Variants in EPB41L4A observed in about 807,000 individuals in gnomAD.
EPB41L4A encodes band 4.1-like protein 4A.
Under a neutral mutation model 108.6 loss-of-function variants are expected in EPB41L4A, and 100 were observed. That is an observed-to-expected ratio of 0.92 (90% confidence interval 0.78 to 1.09). The LOEUF is 1.09. Among genes scored for constraint, EPB41L4A ranks in the 50% least tolerant of loss-of-function variants. EPB41L4A has a pLI of 0.00. For synonymous variants in EPB41L4A, 319 were observed against 289.0 expected, an observed-to-expected ratio of 1.10 and a Z score of -1.05; for missense variants, 1,030 against 842.7, an observed-to-expected ratio of 1.22 and a Z score of -2.75.
At chr5:112,264,281 G>C (rs1016612987) in intron 6 of EPB41L4A, 2 of 152,114 alleles carry the variant, frequency 1.3e-5, no homozygotes, top group African/African-American at 2.4e-5. Context: ...ATCCTACTAG[G>C]GGAGCGTGTC....
intron 1 of EPB41L4A, among the ~76,000 whole-genome samples, chr5:112,353,637 C>T (rs1033657846): frequency 2.0e-5 from 3 of 152,062 alleles, no homozygotes; most frequent in African/African-American, 7.2e-5. Flanking sequence ...CCCAGGTTTC[C>T]AAGAGGTATA....
intron 12 of EPB41L4A, among the ~76,000 whole-genome samples, chr5:112,212,641 TGTG>T (rs1449578932): frequency 2.6e-5 from 4 of 152,156 alleles, no homozygotes; most frequent in Non-Finnish European, 5.9e-5. Flanking sequence ...TTTATTTAAA[TGTG>T]GTGGTATTCT....
At chr5:112,246,913 T>C (rs1167024256) in intron 9 of EPB41L4A, among the ~76,000 whole-genome samples, 1 of 152,154 alleles carries the variant, frequency 6.6e-6, no homozygotes, top group African/African-American at 2.4e-5. Flanking sequence ...GCTCTCAAAA[T>C]CATCTTTGGA....
downstream of EPB41L4A, among the ~76,000 whole-genome samples, chr5:112,160,250 TAC>T (rs1367130052): frequency 6.6e-6 from 1 of 152,104 alleles, no homozygotes; most frequent in Non-Finnish European, 1.5e-5. Flanking sequence ...AATTTAAAAT[TAC>T]ACTCATGGCT....
intron 12 of EPB41L4A, among the ~76,000 whole-genome samples, chr5:112,229,687 A>C (rs991087811): frequency 6.6e-6 from 1 of 152,094 alleles, no homozygotes; most frequent in African/African-American, 2.4e-5. Flanking sequence ...GAGTTACTTC[A>C]CTTAGAGTAA....
In EPB41L4A at chr5:112,168,840, G is replaced by C; in HGVS notation, c.1851-20C>G. 1 of 1,600,240 alleles carries C rather than the reference G, an allele frequency of 6.2e-7. No homozygotes were observed. The highest frequency in any genetic ancestry group is 8.6e-7 in the Non-Finnish European group (1 of 1,167,508). ...TTTGAACTGCAGAGAATGAGTTTTAGAATTAGTGACTGGAACAGTATCTAG... is the reference window on the plus strand; with the variant it reads ...TTTGAACTGCAGAGAATGAGTTTTACAATTAGTGACTGGAACAGTATCTAG... On this transcript the variant is annotated intron_variant, in intron 21 of 22. Coordinates refer to ENST00000261486, the MANE Select transcript of EPB41L4A (RefSeq NM_022140.5).
intron 3 of EPB41L4A, among the ~76,000 whole-genome samples, chr5:112,277,741 G>C (rs1282928601): frequency 6.6e-6 from 1 of 152,140 alleles, no homozygotes; most frequent in Non-Finnish European, 1.5e-5. Flanking sequence ...CACTGTTTCA[G>C]AAAGCAATCA....
chr5:112,380,041 A>C (rs1760061702), intron 1 of EPB41L4A, among the ~76,000 whole-genome samples: 1 of 152,234 alleles, frequency 6.6e-6, no homozygotes. Context: ...TTTTCTGAGC[A>C]GATTAATCAT....
intron 2 of EPB41L4A, among the ~76,000 whole-genome samples, chr5:112,297,735 AT>A (rs1386012364): frequency 6.6e-6 from 1 of 152,122 alleles, no homozygotes; most frequent in Non-Finnish European, 1.5e-5. Flanking sequence ...GGTTTTTCCA[AT>A]GTTATCTTCT....
intron 2 of EPB41L4A, among the ~76,000 whole-genome samples, chr5:112,295,723 C>A (rs956413017): frequency 6.6e-6 from 1 of 152,180 alleles, no homozygotes; most frequent in Non-Finnish European, 1.5e-5. Context: ...ATATTTCTGG[C>A]AAGGACTATG....
At position 112,413,725 on chromosome 5, in the gene EPB41L4A, T is replaced by C. The variant is rs537998582; in HGVS notation, c.99+5216A>G. On this transcript the variant is annotated intron_variant, in intron 1 of 22. Coordinates refer to ENST00000261486, the MANE Select transcript of EPB41L4A (RefSeq NM_022140.5). Reference sequence around the variant, plus strand: ...AGGATGCTTCCGATAAGTATGTGTTTATGGAGAAACAAAATGGTACACCAA... The same window carrying C: ...AGGATGCTTCCGATAAGTATGTGTTCATGGAGAAACAAAATGGTACACCAA... Among the ~76,000 whole-genome samples, 6 of 152,296 alleles carry C rather than the reference T, an allele frequency of 3.9e-5. No homozygotes were observed. The East Asian group carries it at 1.2e-3, about 29-fold the overall frequency.
chr5:112,290,373 C>T (rs932216758), intron 2 of EPB41L4A, among the ~76,000 whole-genome samples: 8 of 152,138 alleles, frequency 5.3e-5, no homozygotes, highest in African/African-American at 1.9e-4. Context: ...AGTGGAGCTG[C>T]CCTACAGTTG....
chr5:112,309,050 TCTA>T (rs1354179523), intron 1 of EPB41L4A, among the ~76,000 whole-genome samples: 1 of 152,200 alleles, frequency 6.6e-6, no homozygotes, highest in African/African-American at 2.4e-5. Context: ...CCTAAGTACT[TCTA>T]AATACTTGTA....
chr5:112,199,819 G>A (rs12518022), intron 15 of EPB41L4A, among the ~76,000 whole-genome samples: 9,068 of 152,132 alleles, frequency 0.06, 426 homozygotes, highest in Admixed American at 0.15. Flanking sequence ...CCTCTCACTG[G>A]CTACTGAAAC....
chr5:112,356,519 T>G (rs1758369289), intron 1 of EPB41L4A, among the ~76,000 whole-genome samples: 1 of 152,242 alleles, frequency 6.6e-6, no homozygotes, highest in Non-Finnish European at 1.5e-5. Flanking sequence ...GAAGATACTA[T>G]GCTAGAAAGT....
At chr5:112,356,288 G>A (rs1194369213) in intron 1 of EPB41L4A, among the ~76,000 whole-genome samples, 1 of 152,142 alleles carries the variant, frequency 6.6e-6, no homozygotes, top group Non-Finnish European at 1.5e-5. Flanking sequence ...GCATCCATGG[G>A]AGAACTGTAG....
At chr5:112,255,136 G>C (rs77612083) in intron 9 of EPB41L4A, among the ~76,000 whole-genome samples, 1 of 151,954 alleles carries the variant, frequency 6.6e-6, no homozygotes, top group East Asian at 1.9e-4. Context: ...AGTCTTTCAC[G>C]GTGGGTGTCA....
In EPB41L4A at chr5:112,259,762, C is replaced by A. The variant is rs1011955867; in HGVS notation, c.731+129G>T. 35 of 686,190 alleles carry A rather than the reference C, an allele frequency of 5.1e-5. No individual in the cohort carries two copies. In the South Asian group the frequency reaches 5.4e-4, roughly 11 times the overall value. The allele number at this position is 686,190 out of a possible 1,614,324, so 42.5% of individuals were successfully genotyped here. Reference sequence around the variant, plus strand: ...GGTGCAACAGGAGAAAACTCACACCCAATTTCACTCATTTATTTATCACCC... The same window carrying A: ...GGTGCAACAGGAGAAAACTCACACCAAATTTCACTCATTTATTTATCACCC... On this transcript the variant is annotated intron_variant, in intron 8 of 22. Transcript: ENST00000261486.
At chr5:112,284,250 C>T (rs1350837625) in intron 2 of EPB41L4A, among the ~76,000 whole-genome samples, 2 of 151,574 alleles carry the variant, frequency 1.3e-5, no homozygotes, top group Non-Finnish European at 2.9e-5. Flanking sequence ...CAGTGTGGTG[C>T]CCTAAGAGAC....
Sources: allele counts gnomAD v4.1 joint callset (sites outside exome capture counted in the v4.1 genomes callset), GRCh38; gene constraint gnomAD v4.1.1; transcripts MANE v1.5; gene names NCBI Gene and HGNC (gene_info 2026-07-23, HGNC 2026-07-21).